Variants in PLAA observed in about 807,000 individuals in gnomAD.
PLAA encodes phospholipase A-2-activating protein.
Under a neutral mutation model 84.1 loss-of-function variants are expected in PLAA, and 48 were observed. The ratio of observed to expected loss-of-function variants is 0.57; its 90% CI spans 0.45 to 0.73. The LOEUF is 0.73. Among genes scored for constraint, PLAA ranks in the 30% least tolerant of loss-of-function variants. PLAA has a pLI of 0.00. For missense variants in PLAA, 903 were observed against 954.7 expected, an observed-to-expected ratio of 0.95 and a Z score of 0.71; for synonymous variants, 392 against 336.6, an observed-to-expected ratio of 1.16 and a Z score of -1.80.
At chr9:26,935,601 C>A (rs1490353721) in intron 1 of PLAA, among the ~76,000 whole-genome samples, 2 of 151,934 alleles carry the variant, frequency 1.3e-5, no homozygotes, top group Non-Finnish European at 2.9e-5. Context: ...ATTAAGAAGA[C>A]CTAAATATAC....
intron 5 of PLAA, 72 bp from the exon 6 acceptor site, chr9:26,926,032 A>G (rs1404149286): frequency 4.8e-6 from 6 of 1,253,092 alleles, no homozygotes; most frequent in Non-Finnish European, 6.7e-6. Context: ...ATCTTTCTAG[A>G]TACACTGACT....
Position 26,928,185 on chromosome 9 carries a change from T to A in PLAA, c.480A>T (p.Leu160Phe). ...CAGTCAACATTAAGCCCTGTTCAGG[T>A]AAGATCTTTACCGCCCACACTGCAG... ...HTAAVWAVKI[L>F]PEQGLMLTGS... is the part of the protein sequence containing the mutation. The change falls in exon 4 of 14, where the codon TTA becomes TTT. Residue 160 changes from leucine (L) to phenylalanine (F), a missense_variant. Leu to Phe is a conservative substitution (Grantham distance 22). Transcript: ENST00000397292. 6.2e-7 allele frequency: 1 copy of A among 1,614,200 alleles called. No individual in the cohort carries two copies. Among genetic ancestry groups the A allele is most frequent in the Non-Finnish European group, 8.5e-7 (1 of 1,180,026 alleles).
intron 10 of PLAA, chr9:26,916,535 G>C: frequency 1.0e-6 from 1 of 986,938 alleles, no homozygotes; most frequent in Non-Finnish European, 1.2e-6. Context: ...CTGGGTAGTT[G>C]GGTGGAATGT....
chr9:26,917,727 T>TTA (rs1218792533), intron 9 of PLAA, among the ~76,000 whole-genome samples: 2 of 152,150 alleles, frequency 1.3e-5, no homozygotes, highest in African/African-American at 4.8e-5. Flanking sequence ...AGACTTCCAT[T>TTA]TATACATTTA....
intron 1 of PLAA, among the ~76,000 whole-genome samples, chr9:26,939,503 AACC>A (rs1201786418): frequency 2.7e-5 from 4 of 148,490 alleles, no homozygotes; most frequent in Non-Finnish European, 4.5e-5. Context: ...AAAAAAAAAA[AACC>A]AAACAAACTT....
intron 1 of PLAA, among the ~76,000 whole-genome samples, chr9:26,943,357 T>C (rs1158851935): frequency 2.0e-5 from 3 of 152,182 alleles, no homozygotes; most frequent in Non-Finnish European, 4.4e-5. Context: ...TCTGCCTCCC[T>C]AGAACTAACT....
rs372212685 is a variant in PLAA, at chr9:26,945,688, C to G, written c.149+1209G>C. Among the ~76,000 whole-genome samples, 4 of 152,322 alleles carry G rather than the reference C, an allele frequency of 2.6e-5. No individual in the cohort carries two copies. In the East Asian group the frequency reaches 7.7e-4, roughly 30 times the overall value. On this transcript the variant is annotated intron_variant, in intron 1 of 13. Coordinates refer to ENST00000397292, the MANE Select transcript of PLAA (RefSeq NM_001031689.3). ...CTTGAAACTATTTGAAGGCTTCCAT[C>G]TGCAAACTCCATAACCTGGCTCTTG...
chr9:26,940,059 C>T (rs755457548), intron 1 of PLAA, among the ~76,000 whole-genome samples: 2 of 152,030 alleles, frequency 1.3e-5, no homozygotes, highest in East Asian at 1.9e-4. Flanking sequence ...GAATATACTA[C>T]GTGAAAGCAA....
chr9:26,921,485 T>C (rs78917603), intron 7 of PLAA, among the ~76,000 whole-genome samples: 5,484 of 152,316 alleles, frequency 0.036, 164 homozygotes, highest in South Asian at 0.1. Flanking sequence ...TCTTACCCCA[T>C]CTTAATCTGT....
At chr9:26,944,155 C>T (rs1825620565) in intron 1 of PLAA, among the ~76,000 whole-genome samples, 1 of 152,118 alleles carries the variant, frequency 6.6e-6, no homozygotes, top group Admixed American at 6.5e-5. Context: ...GTTACAAAAG[C>T]AAGTTTGGCC....
At position 26,904,728 on chromosome 9, in the gene PLAA, T is replaced by C. The variant is rs907549829; in HGVS notation, c.*783A>G. On this transcript the variant is annotated 3_prime_UTR_variant, in exon 14 of 14. Transcript: ENST00000397292. ...TACTCTTGCTTATGTAACCACCTGA[T>C]AAAATTCAACATGTTCCAAATTCCC... The C allele has an allele frequency of 1.3e-5, 2 of 152,256 alleles. No homozygotes were observed. Among genetic ancestry groups the C allele is most frequent in the Admixed American group, 6.5e-5 (1 of 15,278 alleles). The allele number at this position is 152,256 out of a possible 1,614,324, so 9.4% of individuals were successfully genotyped here.
chr9:26,908,066 G>A (rs1187916602), intron 12 of PLAA, 68 bp from the exon 13 acceptor site: 10 of 1,220,018 alleles, frequency 8.2e-6, no homozygotes, highest in Non-Finnish European at 1.1e-5. Flanking sequence ...TAAATGCCAA[G>A]ACTTTCAATA....
Position 26,907,957 on chromosome 9 carries a change from T to A in PLAA, c.1699A>T (p.Lys567Ter), listed in dbSNP as rs1402978809. 2.5e-6 allele frequency: 4 copies of A among 1,608,170 alleles called. No individual in the cohort carries two copies. The South Asian group carries it at 3.3e-5, about 13-fold the overall frequency. The change falls in exon 13 of 14, where the codon AAG becomes TAG. Residue 567 changes from lysine (K) to a stop codon, truncating the protein, a stop_gained. Transcript: ENST00000397292. LOFTEE classifies it high-confidence loss of function. ...AGTATCAAGTCATCCTCAGTTAACT[T>A]CTTCTCTTCAGGTGCAGTTCCATTA... The part of the protein sequence containing the change: ...ELNGTAPEEK[K>*]LTEDDLILLE...
At chr9:26,919,745 G>A (rs1445159322) in intron 8 of PLAA, among the ~76,000 whole-genome samples, 1 of 152,160 alleles carries the variant, frequency 6.6e-6, no homozygotes, top group Non-Finnish European at 1.5e-5. Context: ...ATGGGGGTGA[G>A]GATGAAGGAT....
intron 7 of PLAA, among the ~76,000 whole-genome samples, chr9:26,921,816 T>C (rs1235887547): frequency 6.6e-6 from 1 of 152,190 alleles, no homozygotes; most frequent in East Asian, 1.9e-4. Context: ...TATTCAATAT[T>C]AAAAAATGGC....
At chr9:26,930,674 C>T (rs754126489) in intron 2 of PLAA, among the ~76,000 whole-genome samples, 5 of 151,534 alleles carry the variant, frequency 3.3e-5, no homozygotes, top group Admixed American at 6.6e-5. Context: ...CCTCCGCTTC[C>T]GAGGCACAAG....
chr9:26,917,078 A>T lies in PLAA; in HGVS notation c.1486+19T>A, dbSNP rs141342759. On this transcript the variant is annotated intron_variant, in intron 10 of 13. Coordinates refer to ENST00000397292, the MANE Select transcript of PLAA (RefSeq NM_001031689.3). ...TACATTTAGTGAAGAAAGATACATG[A>T]ATCAAAACTACATCCCACCTGTAAA... The T allele has an allele frequency of 6.2e-7, 1 of 1,602,994 alleles. No individual in the cohort carries two copies. The highest frequency in any genetic ancestry group is 1.7e-4 in the Middle Eastern group (1 of 6,042).
intron 1 of PLAA, among the ~76,000 whole-genome samples, chr9:26,945,403 A>C (rs1162339016): frequency 6.6e-6 from 1 of 152,240 alleles, no homozygotes; most frequent in African/African-American, 2.4e-5. Context: ...GTACTCAAAC[A>C]AAAAGTTCCA....
intron 2 of PLAA, among the ~76,000 whole-genome samples, chr9:26,930,692 C>G (rs1055135512): frequency 4.0e-5 from 6 of 151,518 alleles, no homozygotes; most frequent in Non-Finnish European, 8.8e-5. Context: ...AAGTGATTCT[C>G]CTGCCTCAAC....
Sources: gnomAD v4.1 joint callset for allele counts (sites outside exome capture counted in the v4.1 genomes callset) on GRCh38, gnomAD v4.1.1 for gene constraint, MANE v1.5 for transcripts, NCBI Gene and HGNC (gene_info 2026-07-23, HGNC 2026-07-21) for gene names.